TSPAN5: variants seen among roughly 807,000 people sequenced by gnomAD.
TSPAN5 encodes the protein tetraspanin-5.
TSPAN5 carries 10 observed loss-of-function variants against 37.1 expected under a neutral mutation model. The observed-to-expected ratio is 0.27, with a 90% CI of 0.17 to 0.46. The LOEUF is 0.46. Among genes scored for constraint, TSPAN5 ranks in the 20% least tolerant of loss-of-function variants. TSPAN5 has a pLI of 1.00. For synonymous variants in TSPAN5, 110 were observed against 118.9 expected, an observed-to-expected ratio of 0.93 and a Z score of 0.48; for missense variants, 195 against 326.6, an observed-to-expected ratio of 0.60 and a Z score of 3.11.
At chr4:98,576,746 CTATT>C (rs1357763559) in intron 1 of TSPAN5, among the ~76,000 whole-genome samples, 1 of 151,980 alleles carries the variant, frequency 6.6e-6, no homozygotes, top group Non-Finnish European at 1.5e-5. Flanking sequence ...CAGCATACAC[CTATT>C]TATTACTTTA....
chr4:98,586,871 C>T (rs113541914), intron 1 of TSPAN5, among the ~76,000 whole-genome samples: 11 of 152,322 alleles, frequency 7.2e-5, no homozygotes, highest in Admixed American at 2.6e-4. Context: ...TCCCACCAAG[C>T]CAGCGGCATG....
intron 1 of TSPAN5, among the ~76,000 whole-genome samples, chr4:98,587,342 G>A (rs1387384672): frequency 6.6e-6 from 1 of 152,188 alleles, no homozygotes; most frequent in Non-Finnish European, 1.5e-5. Context: ...GATTTCTAGA[G>A]TTCTTAGTTG....
intron 1 of TSPAN5, among the ~76,000 whole-genome samples, chr4:98,591,734 C>T (rs1755638151): frequency 7.1e-6 from 1 of 141,114 alleles, no homozygotes; most frequent in Admixed American, 7.2e-5. Context: ...AATGTGTCTA[C>T]CAGAAATATT....
At chr4:98,482,241 G>C in intron 3 of TSPAN5, 66 bp from the exon 4 acceptor site, 1 of 1,451,680 alleles carries the variant, frequency 6.9e-7, no homozygotes, top group South Asian at 1.2e-5. Flanking sequence ...ATAGCTAAAT[G>C]GTTCCTCTCT....
At chr4:98,568,262 G>A (rs577264655) in intron 1 of TSPAN5, among the ~76,000 whole-genome samples, 1 of 152,118 alleles carries the variant, frequency 6.6e-6, no homozygotes, top group Admixed American at 6.5e-5. Context: ...AAGTCTGGAG[G>A]CCAGGCACGG....
chr4:98,568,259 G>C (rs1197445251), intron 1 of TSPAN5, among the ~76,000 whole-genome samples: 1 of 152,062 alleles, frequency 6.6e-6, no homozygotes. Flanking sequence ...AATAAGTCTG[G>C]AGGCCAGGCA....
chr4:98,574,613 C>T (rs868760476), intron 1 of TSPAN5: 49 of 152,338 alleles, frequency 3.2e-4, no homozygotes, highest in African/African-American at 1.1e-3. Context: ...GTAACAGCAG[C>T]GTGATCTAAG....
chr4:98,597,505 G>T (rs1755771111), intron 1 of TSPAN5, among the ~76,000 whole-genome samples: 1 of 40,416 alleles, frequency 2.5e-5, no homozygotes, highest in African/African-American at 1.7e-4. Context: ...TGGAGGAGGA[G>T]AGGCGCTCTG....
chr4:98,570,017 GCA>G (rs1755086028), intron 1 of TSPAN5, among the ~76,000 whole-genome samples: 1 of 152,110 alleles, frequency 6.6e-6, no homozygotes, highest in South Asian at 2.1e-4. Flanking sequence ...ATGGGGATGT[GCA>G]CAGAGTCCAA....
chr4:98,554,079 ATT>A lies in TSPAN5; in HGVS notation c.82-46353_82-46352del, dbSNP rs1491175949. Among the ~76,000 whole-genome samples, 157 of 151,792 alleles carry A rather than the reference ATT, an allele frequency of 1.0e-3. 1 individual carries two copies. The highest frequency in any genetic ancestry group is 7.5e-3 in the East Asian group (39 of 5,182). On this transcript the variant is annotated intron_variant, in intron 1 of 7. Coordinates refer to ENST00000305798, the MANE Select transcript of TSPAN5 (RefSeq NM_005723.4). ...GAGACTCTATCTAAAAAAAAAATAA[ATT>A]AAAAAAAAAATGTAAAAAGCAGTCT... is the stretch of plus-strand genomic sequence containing the variant.
chr4:98,656,318 G>A (rs1011455169), intron 1 of TSPAN5, among the ~76,000 whole-genome samples: 1 of 152,160 alleles, frequency 6.6e-6, no homozygotes, highest in African/African-American at 2.4e-5. Flanking sequence ...GGCAGAGAAA[G>A]TCCCTGGGTG....
chr4:98,535,766 CTTT>C (rs1385953350), intron 1 of TSPAN5, among the ~76,000 whole-genome samples: 1 of 152,076 alleles, frequency 6.6e-6, no homozygotes, highest in Non-Finnish European at 1.5e-5. Flanking sequence ...TGTCTTCTTT[CTTT>C]ATTTCATTAA....
chr4:98,645,488 C>G (rs1757045507), intron 1 of TSPAN5, among the ~76,000 whole-genome samples: 1 of 152,118 alleles, frequency 6.6e-6, no homozygotes, highest in South Asian at 2.1e-4. Flanking sequence ...GGATCTTTGT[C>G]CCCTCTCACT....
At chr4:98,538,464 G>T (rs144761838) in intron 1 of TSPAN5, among the ~76,000 whole-genome samples, 2 of 152,162 alleles carry the variant, frequency 1.3e-5, no homozygotes, top group Non-Finnish European at 2.9e-5. Flanking sequence ...CAGCCACCCC[G>T]CCACCAGAGC....
intron 1 of TSPAN5, among the ~76,000 whole-genome samples, chr4:98,538,286 C>A (rs1754281815): frequency 6.6e-6 from 1 of 152,252 alleles, no homozygotes; most frequent in Non-Finnish European, 1.5e-5. Context: ...GTTCTGCCTG[C>A]TCCTCACTCT....
chr4:98,587,219 G>C (rs372680626), intron 1 of TSPAN5, among the ~76,000 whole-genome samples: 17 of 152,366 alleles, frequency 1.1e-4, no homozygotes, highest in African/African-American at 4.1e-4. Flanking sequence ...TGGGGGACAT[G>C]GGCAGAGAAG....
At chr4:98,608,883 C>A (rs889776268) in intron 1 of TSPAN5, among the ~76,000 whole-genome samples, 1 of 152,204 alleles carries the variant, frequency 6.6e-6, no homozygotes, top group Non-Finnish European at 1.5e-5. Context: ...TTCCCCACCA[C>A]ACCCTGTAAA....
At chr4:98,499,337 C>T (rs916465850) in intron 2 of TSPAN5, among the ~76,000 whole-genome samples, 3 of 152,162 alleles carry the variant, frequency 2.0e-5, no homozygotes, top group East Asian at 1.9e-4. Context: ...CTGATGGGCT[C>T]GGCAGGGAGA....
rs935438496 is a variant in TSPAN5, at chr4:98,471,769, C to T, written c.*753G>A. ...ATTTAACTGATACCTCTTCATTAAC[C>T]TCATTTTCTCCTTGAATTTCACTGA... On this transcript the variant is annotated 3_prime_UTR_variant, in exon 8 of 8. Transcript: ENST00000305798. The T allele has an allele frequency of 6.6e-6, 1 of 152,140 alleles. No individual in the cohort carries two copies. The highest frequency in any genetic ancestry group is 1.5e-5 in the Non-Finnish European group (1 of 68,030). 9.4% of individuals were successfully genotyped at this position (152,140 alleles called of 1,614,324 possible). A position where few individuals can be genotyped will look rare whatever the true frequency, so the allele number is the denominator to read the frequency against.
Sources: gnomAD v4.1 joint callset for allele counts (sites outside exome capture counted in the v4.1 genomes callset) on GRCh38, gnomAD v4.1.1 for gene constraint, MANE v1.5 for transcripts, NCBI Gene and HGNC (gene_info 2026-07-23, HGNC 2026-07-21) for gene names.